The following CEP85L variants were observed in gnomAD, a reference collection of about 807,000 sequenced individuals.
CEP85L encodes centrosomal protein of 85 kDa-like.
CEP85L carries 60 observed loss-of-function variants against 100.3 expected under a neutral mutation model. The ratio of observed to expected loss-of-function variants is 0.60; its 90% confidence interval spans 0.49 to 0.74. The LOEUF is 0.74. Ranked by LOEUF, CEP85L falls within the 30% of genes least tolerant of loss-of-function variation. The probability of loss-of-function intolerance (pLI) is 0.00; values close to 1 mark genes in which losing one functional copy is unlikely to be tolerated. For missense variants in CEP85L, 973 were observed against 936.2 expected (o/e 1.04, Z -0.51); for synonymous variants, 319 against 322.7 (o/e 0.99, Z 0.12).
chr6:118,506,417 T>C (rs1159576908), intron 5 of CEP85L, among the ~76,000 whole-genome samples: 5 of 152,116 alleles, frequency 3.3e-5, no homozygotes, highest in African/African-American at 1.2e-4. Flanking sequence ...TGGCGTGAAC[T>C]GAAAGTCTAT....
At chr6:118,616,200 A>C (rs540292937) in intron 2 of CEP85L, among the ~76,000 whole-genome samples, 1 of 152,302 alleles carries the variant, frequency 6.6e-6, no homozygotes, top group East Asian at 1.9e-4. Flanking sequence ...AAAGGGAAAA[A>C]ACCAGTACAG....
intron 3 of CEP85L, 127 bp from the exon 4 acceptor site, chr6:118,524,047 G>A (rs917393292): frequency 2.4e-5 from 10 of 421,894 alleles, no homozygotes; most frequent in African/African-American, 1.3e-4. Context: ...TAATACTTTC[G>A]GAAATCACAC....
chr6:118,604,299 G>A (rs939108488), intron 2 of CEP85L, among the ~76,000 whole-genome samples: 5 of 152,066 alleles, frequency 3.3e-5, no homozygotes, highest in African/African-American at 1.2e-4. Flanking sequence ...AACCTGTTGT[G>A]CTTTTATTCC....
intron 1 of CEP85L, among the ~76,000 whole-genome samples, chr6:118,707,407 TGGAA>T (rs1777628027): frequency 6.6e-6 from 1 of 151,930 alleles, no homozygotes; most frequent in Non-Finnish European, 1.5e-5. Flanking sequence ...TTGCCCAGGA[TGGAA>T]TGAAACTCCT....
At chr6:118,689,275 T>C (rs922533075) in intron 1 of CEP85L, among the ~76,000 whole-genome samples, 1 of 152,226 alleles carries the variant, frequency 6.6e-6, no homozygotes, top group African/African-American at 2.4e-5. Context: ...TCAAGTTAAA[T>C]TCTGAGTTCT....
intron 3 of CEP85L, among the ~76,000 whole-genome samples, chr6:118,546,704 C>G (rs1778224036): frequency 2.6e-5 from 4 of 152,052 alleles, no homozygotes; most frequent in Admixed American, 2.6e-4. Context: ...TTATCTCTGA[C>G]AAATTACTGT....
intron 1 of CEP85L, among the ~76,000 whole-genome samples, chr6:118,685,235 T>C (rs1208272747): frequency 6.6e-6 from 1 of 152,218 alleles, no homozygotes; most frequent in African/African-American, 2.4e-5. Flanking sequence ...AGTTGACCAA[T>C]GGAACAAGAA....
chr6:118,624,052 G>A (rs541082907), intron 2 of CEP85L, among the ~76,000 whole-genome samples: 4 of 152,246 alleles, frequency 2.6e-5, no homozygotes, highest in African/African-American at 7.2e-5. Context: ...ATCAGCTCAG[G>A]AGTCTGAAGA....
In CEP85L at chr6:118,632,669, T is replaced by C. The variant is rs767316338; in HGVS notation, c.74-58A>G. On this transcript the variant is annotated intron_variant, in intron 1 of 12. Coordinates refer to ENST00000368491, the MANE Select transcript of CEP85L (RefSeq NM_001042475.3). The stretch of plus-strand genomic sequence containing the variant: ...ATATCTGAGTAGGCAGAAGATTTTT[T>C]TTTTACCTTGTGGAAAATACACATA... 67 of 1,454,790 alleles carry C rather than the reference T, an allele frequency of 4.6e-5. 2 individuals are homozygous for C. The highest frequency in any genetic ancestry group is 6.0e-5 in the Non-Finnish European group (65 of 1,084,084). The allele number at this position is 1,454,790 out of a possible 1,614,324, so 90.1% of individuals were successfully genotyped here.
intron 4 of CEP85L, among the ~76,000 whole-genome samples, chr6:118,522,159 G>A (rs764507435): frequency 5.9e-5 from 9 of 151,956 alleles, no homozygotes; most frequent in Non-Finnish European, 1.0e-4. Context: ...TCGGGAGTTC[G>A]AGACCAGCCT....
chr6:118,634,479 T>A (rs971335451), intron 1 of CEP85L, among the ~76,000 whole-genome samples: 1 of 152,186 alleles, frequency 6.6e-6, no homozygotes, highest in African/African-American at 2.4e-5. Flanking sequence ...ATAAAGTATA[T>A]AAGCAGCCTT....
intron 1 of CEP85L, among the ~76,000 whole-genome samples, chr6:118,709,451 T>G (rs1006665067): frequency 6.6e-6 from 1 of 152,054 alleles, no homozygotes; most frequent in Admixed American, 6.6e-5. Context: ...TCTGGAGCTC[T>G]GCCTTTTGGC....
chr6:118,615,856 T>C (rs1221397628), intron 2 of CEP85L, among the ~76,000 whole-genome samples: 1 of 152,208 alleles, frequency 6.6e-6, no homozygotes, highest in Non-Finnish European at 1.5e-5. Context: ...ACTGTGCACA[T>C]GACTTCGCAG....
intron 2 of CEP85L, among the ~76,000 whole-genome samples, chr6:118,577,063 T>A (rs1400119558): frequency 6.6e-6 from 1 of 152,178 alleles, no homozygotes; most frequent in Non-Finnish European, 1.5e-5. Flanking sequence ...CTCTTGCTGC[T>A]ATTCCTAGAA....
chr6:118,688,960 C>T (rs556074731), intron 1 of CEP85L, among the ~76,000 whole-genome samples: 81 of 152,364 alleles, frequency 5.3e-4, no homozygotes, highest in Non-Finnish European at 9.6e-4. Flanking sequence ...TGGGAACCAC[C>T]TTCATCCACA....
intron 1 of CEP85L, among the ~76,000 whole-genome samples, chr6:118,707,706 G>A (rs1356022915): frequency 6.6e-6 from 1 of 152,100 alleles, no homozygotes; most frequent in Non-Finnish European, 1.5e-5. Flanking sequence ...TTTAGGTATA[G>A]GAGTTTTATA....
chr6:118,520,023 T>C (rs1053969471), intron 4 of CEP85L, among the ~76,000 whole-genome samples: 3 of 152,182 alleles, frequency 2.0e-5, no homozygotes, highest in African/African-American at 7.2e-5. Context: ...TGAAAATTCA[T>C]CAGCTACCTA....
rs201018278 is a variant in CEP85L at position 118,625,168 on chromosome 6, A to C, written c.232+7285T>G. ...TAAATTTTAGCATGACTCCCAATAG[A>C]AACATCTCCCAAAGTCAATCCTGGA... On this transcript the variant is annotated intron_variant, in intron 2 of 12. Transcript: ENST00000368491. Among the ~76,000 whole-genome samples, 44 of 152,326 alleles carry C rather than the reference A, an allele frequency of 2.9e-4. No homozygotes were observed. In the East Asian group the frequency reaches 5.4e-3, roughly 19 times the overall value.
At chr6:118,517,450 G>A (rs1381034593) in intron 4 of CEP85L, among the ~76,000 whole-genome samples, 2 of 152,076 alleles carry the variant, frequency 1.3e-5, no homozygotes, top group African/African-American at 2.4e-5. Context: ...CCTTGAAGAG[G>A]TCCTTCATAT....
Sources: allele counts gnomAD v4.1 joint callset (sites outside exome capture counted in the v4.1 genomes callset), GRCh38; gene constraint gnomAD v4.1.1; transcripts MANE v1.5; gene names NCBI Gene and HGNC (gene_info 2026-07-23, HGNC 2026-07-21).